DTNA: variants seen among roughly 807,000 people sequenced by gnomAD.
DTNA encodes the protein dystrobrevin alpha.
In DTNA, 43 loss-of-function variants were observed where a neutral mutation model predicts 100.7. The ratio of observed to expected loss-of-function variants is 0.43; its 90% confidence interval spans 0.33 to 0.55. DTNA has a LOEUF of 0.55. Among genes scored for constraint, DTNA ranks in the 20% least tolerant of loss-of-function variants. The probability of loss-of-function intolerance (pLI) is 0.04; values close to 1 mark genes in which losing one functional copy is unlikely to be tolerated. For missense variants in DTNA, 798 were observed against 953.9 expected (o/e 0.84, Z 2.15); for synonymous variants, 349 against 347.9 (o/e 1.00, Z -0.04).
chr18:34,527,918 A>G (rs559823261), intron 1 of DTNA, among the ~76,000 whole-genome samples: 1 of 152,234 alleles, frequency 6.6e-6, no homozygotes, highest in East Asian at 1.9e-4. Flanking sequence ...GAAATTACTT[A>G]CACCTCTATT....
intron 1 of DTNA, among the ~76,000 whole-genome samples, chr18:34,617,238 T>C (rs1233044228): frequency 6.6e-6 from 1 of 152,212 alleles, no homozygotes; most frequent in Non-Finnish European, 1.5e-5. Context: ...GCCCATTCAG[T>C]ATGATGTTGC....
At chr18:34,816,156 T>C (rs930269415) in intron 7 of DTNA, 142 bp downstream of exon 7, 14 of 791,576 alleles carry the variant, frequency 1.8e-5, no homozygotes, top group Middle Eastern at 3.5e-4. Context: ...AACTAACCCA[T>C]CTCCCTGTTC....
chr18:34,829,449 C>G lies in DTNA; in HGVS notation c.1135C>G (p.Leu379Val). 6.5e-7 allele frequency: 1 copy of G among 1,532,818 alleles called. No homozygotes were observed. The highest frequency in any genetic ancestry group is 8.7e-7 in the Non-Finnish European group (1 of 1,144,826). The allele number at this position is 1,532,818 out of a possible 1,614,324, so 95.0% of individuals were successfully genotyped here. The change falls in exon 11 of 23, where the codon CTC (leucine) becomes GTC (valine). Residue 379 changes from leucine to valine, a missense_variant. Leu to Val is a conservative substitution (Grantham distance 32). Coordinates refer to ENST00000444659, the MANE Select transcript of DTNA (RefSeq NM_001386795.1). Reference sequence around the variant, plus strand: ...CAGCCCTGTGGCTGAAGAGCATTCCCTCATAAAGCTGTACGTAAATCAGCT... The same window carrying G: ...CAGCCCTGTGGCTGAAGAGCATTCCGTCATAAAGCTGTACGTAAATCAGCT... ...ASSPVAEEHS[L>V]IKLYVNQLDH...
intron 3 of DTNA, among the ~76,000 whole-genome samples, chr18:34,778,963 G>A (rs893994768): frequency 6.6e-6 from 1 of 150,950 alleles, no homozygotes; most frequent in African/African-American, 2.4e-5. Flanking sequence ...GACTACAGGC[G>A]CCCGCCACCA....
chr18:34,596,988 G>A lies in DTNA; in HGVS notation c.-2+103474G>A, dbSNP rs146418359. ...ATCTACATCACGTATTTCTCCTAAT[G>A]CTATCCCTCCCCTAGCCCCCAATTC... On this transcript the variant is annotated intron_variant, in intron 1 of 19. Coordinates refer to the DTNA transcript ENST00000283365. Among the ~76,000 whole-genome samples the A allele has an allele frequency of 2.2e-4, 34 of 152,180 alleles. No homozygotes were observed. The East Asian group carries it at 6.6e-3, about 29-fold the overall frequency.
intron 17 of DTNA, chr18:34,866,113 A>G (rs2096700045): frequency 6.2e-7 from 1 of 1,614,150 alleles, no homozygotes; most frequent in Non-Finnish European, 8.5e-7. Context: ...TTCTGTAGGA[A>G]GAAGAACTGA....
chr18:34,710,028 C>T (rs1464453496), upstream of DTNA, among the ~76,000 whole-genome samples: 1 of 152,076 alleles, frequency 6.6e-6, no homozygotes, highest in East Asian at 1.9e-4. Flanking sequence ...ACTTAAAATG[C>T]ATAGAGATAT....
At chr18:34,593,532 T>C (rs1420460447) in intron 1 of DTNA, 2 of 152,196 alleles carry the variant, frequency 1.3e-5, no homozygotes, top group East Asian at 1.9e-4. Flanking sequence ...GGTGTGCATG[T>C]TCTAGGGTAA....
chr18:34,633,748 G>T (rs2058350628), intron 1 of DTNA, among the ~76,000 whole-genome samples: 1 of 152,164 alleles, frequency 6.6e-6, no homozygotes, highest in East Asian at 1.9e-4. Context: ...GCCAGCCCAA[G>T]GATATCCATG....
intron 1 of DTNA, among the ~76,000 whole-genome samples, chr18:34,626,116 A>G (rs1032271888): frequency 6.6e-6 from 1 of 152,212 alleles, no homozygotes; most frequent in African/African-American, 2.4e-5. Flanking sequence ...AATGTTTTAT[A>G]TAAAGTTCCT....
At chr18:34,851,968 G>A (rs1055094453) in intron 15 of DTNA, 40 bp downstream of exon 15, 4 of 1,594,858 alleles carry the variant, frequency 2.5e-6, no homozygotes, top group Non-Finnish European at 3.4e-6. Flanking sequence ...TGATCAATGT[G>A]CGCATTCCTT....
chr18:34,838,659 C>T, intron 12 of DTNA, 86 bp from the exon 13 acceptor site: 2 of 1,172,932 alleles, frequency 1.7e-6, no homozygotes, highest in Admixed American at 3.4e-5. Context: ...AATGCCTTTT[C>T]TACCAAAAAC....
chr18:34,679,796 GTTTA>G (rs1377973283), intron 1 of DTNA, among the ~76,000 whole-genome samples: 3 of 151,922 alleles, frequency 2.0e-5, no homozygotes, highest in African/African-American at 7.3e-5. Context: ...CCGTCTTTTT[GTTTA>G]TTTATTGTTA....
intron 1 of DTNA, among the ~76,000 whole-genome samples, chr18:34,753,779 T>A (rs2092576329): frequency 6.6e-6 from 1 of 152,194 alleles, no homozygotes; most frequent in African/African-American, 2.4e-5. Flanking sequence ...CTGCCTCAAG[T>A]CTACTTCTGA....
At chr18:34,570,159 A>G (rs1176719048) in intron 1 of DTNA, among the ~76,000 whole-genome samples, 3 of 152,176 alleles carry the variant, frequency 2.0e-5, no homozygotes, top group African/African-American at 7.2e-5. Flanking sequence ...TCATAAAAAC[A>G]TCTTTCTTTA....
chr18:34,888,659 G>T lies in DTNA; in HGVS notation c.*925G>T. 1 of 985,836 alleles carries T rather than the reference G, an allele frequency of 1.0e-6. No individual in the cohort carries two copies. 61.1% of individuals were successfully genotyped at this position (985,836 alleles called of 1,614,324 possible). ...TTTTGAAATACTCGTTACTAAAGCTGTTTATAAACCACAGGTGCCATAAGA... is the reference window on the plus strand; with the variant it reads ...TTTTGAAATACTCGTTACTAAAGCTTTTTATAAACCACAGGTGCCATAAGA... On this transcript the variant is annotated 3_prime_UTR_variant, in exon 23 of 23. Transcript: ENST00000444659.
chr18:34,815,213 A>G (rs943862691), intron 6 of DTNA, among the ~76,000 whole-genome samples: 1 of 152,152 alleles, frequency 6.6e-6, no homozygotes, highest in East Asian at 1.9e-4. Flanking sequence ...TTTTTTATTT[A>G]TACCATTACA....
chr18:34,762,280 C>T (rs1179749145), intron 2 of DTNA, among the ~76,000 whole-genome samples: 4 of 152,206 alleles, frequency 2.6e-5, no homozygotes, highest in Non-Finnish European at 5.9e-5. Flanking sequence ...TTGACCAAAG[C>T]TGTTGGACTG....
At chr18:34,547,485 A>G (rs1365403245) in intron 1 of DTNA, among the ~76,000 whole-genome samples, 1 of 152,134 alleles carries the variant, frequency 6.6e-6, no homozygotes, top group Non-Finnish European at 1.5e-5. Context: ...GAAGTCTTAC[A>G]GGGTGGGAAT....
Sources: gnomAD v4.1 joint callset for allele counts (sites outside exome capture counted in the v4.1 genomes callset) on GRCh38, gnomAD v4.1.1 for gene constraint, MANE v1.5 for transcripts, NCBI Gene and HGNC (gene_info 2026-07-23, HGNC 2026-07-21) for gene names.